The following C7 variants were observed in gnomAD, a reference collection of about 807,000 sequenced individuals.
The protein encoded by C7 is complement component C7.
A neutral mutation model predicts 104.8 loss-of-function variants in C7; 83 were observed. That is an observed-to-expected ratio of 0.79 (90% CI 0.66 to 0.95). The LOEUF (loss-of-function observed/expected upper bound fraction) is 0.95, where lower values mean the gene tolerates loss of function less well. Ranked by LOEUF, C7 falls within the 40% of genes least tolerant of loss-of-function variation. C7 has a pLI of 0.00. For synonymous variants in C7, 415 were observed against 360.6 expected (o/e 1.15, Z -1.71); for missense variants, 1,070 against 1,011.2 (o/e 1.06, Z -0.79).
intron 16 of C7, among the ~76,000 whole-genome samples, chr5:40,978,669 T>A (rs1321105584): frequency 6.6e-6 from 1 of 152,140 alleles, no homozygotes; most frequent in Non-Finnish European, 1.5e-5. Context: ...TAGAACTAAA[T>A]AAAGTGTGTG....
chr5:40,972,388 C>G lies in C7; in HGVS notation c.1883-15C>G, dbSNP rs573669907. ...AGAGCAACGACCCTTATATTTTGCT[C>G]TCTTTTATCTTTAGAAATTGCCTGT... On this transcript the variant is annotated splice_polypyrimidine_tract_variant and intron_variant, in intron 14 of 17. Coordinates refer to ENST00000313164, the MANE Select transcript of C7 (RefSeq NM_000587.4). The G allele has an allele frequency of 6.2e-6, 10 of 1,612,388 alleles. No homozygotes were observed. In the East Asian group the frequency reaches 6.7e-5, roughly 11 times the overall value.
rs372551834 is a variant in C7 at position 40,978,873 on chromosome 5, ATTTTTTTTTT to A, written c.2166-837_2166-828del. Among the ~76,000 whole-genome samples the A allele has an allele frequency of 1.1e-4, 9 of 80,092 alleles. No individual in the cohort carries two copies. In the South Asian group the frequency reaches 4.2e-3, roughly 38 times the overall value. The allele number at this position is 80,092 out of a possible 152,430, so 52.5% of individuals were successfully genotyped here. A position where few individuals can be genotyped will look rare whatever the true frequency, so the allele number is the denominator to read the frequency against. ...GAGGAAGGTAACACATTTTATGGAA[ATTTTTTTTTT>A]TTTTTTTTTTTTTTGGGACACAGTT... On this transcript the variant is annotated intron_variant, in intron 16 of 17. Transcript: ENST00000313164.
chr5:40,956,470 A>G (rs1011876706), intron 10 of C7, among the ~76,000 whole-genome samples: 2 of 152,164 alleles, frequency 1.3e-5, no homozygotes, highest in African/African-American at 4.8e-5. Flanking sequence ...GTATATTCCT[A>G]TGTGGCTTGT....
chr5:40,980,554 AT>A (rs1462370796), intron 17 of C7, among the ~76,000 whole-genome samples: 2 of 152,218 alleles, frequency 1.3e-5, no homozygotes, highest in East Asian at 3.8e-4. Context: ...ACTTACAGTG[AT>A]CTTGAACTCC....
intron 8 of C7, among the ~76,000 whole-genome samples, chr5:40,948,498 T>C (rs1740097755): frequency 6.6e-6 from 1 of 152,176 alleles, no homozygotes; most frequent in Admixed American, 6.6e-5. Flanking sequence ...TGGGTCTAAC[T>C]GGCCTCAAAG....
chr5:40,950,198 C>T (rs1393562823), intron 9 of C7, among the ~76,000 whole-genome samples, 184 bp downstream of exon 9: 1 of 151,894 alleles, frequency 6.6e-6, no homozygotes, highest in Non-Finnish European at 1.5e-5. Context: ...TCTTCTCCCT[C>T]CTCCCACTCT....
intron 13 of C7, among the ~76,000 whole-genome samples, chr5:40,963,306 G>A (rs1397055886): frequency 6.6e-6 from 1 of 152,188 alleles, no homozygotes; most frequent in Non-Finnish European, 1.5e-5. Flanking sequence ...CAGCCTAAGA[G>A]TCTATTTTGT....
At position 40,937,646 on chromosome 5, in the gene C7, G is replaced by T. The variant is rs932426998; in HGVS notation, c.523G>T (p.Asp175Tyr). The part of the protein sequence containing the change: ...CRKVFSGDGK[D>Y]FYRLSGNVLS... ...AAAGGTGTTTAGTGGGGATGGAAAA[G>T]ATTTCTACAGGCTGAGTGGAAATGT... Residue 175 changes from aspartate (D) to tyrosine (Y), a missense_variant, in exon 6 of 18, where the codon GAT (aspartate) becomes TAT (tyrosine). Transcript: ENST00000313164. 1.9e-6 allele frequency: 3 copies of T among 1,607,890 alleles called. No homozygotes were observed. The highest frequency in any genetic ancestry group is 3.4e-5 in the Admixed American group (2 of 59,056).
intron 3 of C7, among the ~76,000 whole-genome samples, chr5:40,933,999 G>A (rs1339996856): frequency 2.7e-5 from 4 of 146,076 alleles, no homozygotes; most frequent in Non-Finnish European, 6.0e-5. Context: ...GCAGTGGCAT[G>A]ATCTCAGCTC....
At chr5:40,962,219 A>T in intron 13 of C7, 47 bp downstream of exon 13, 1 of 1,121,512 alleles carries the variant, frequency 8.9e-7, no homozygotes, top group Non-Finnish European at 1.3e-6. Context: ...TCTAACTTCT[A>T]TCTCTCTGCT....
intron 13 of C7, among the ~76,000 whole-genome samples, chr5:40,964,173 G>T (rs1279944340): frequency 6.6e-6 from 1 of 151,358 alleles, no homozygotes; most frequent in Admixed American, 6.6e-5. Flanking sequence ...CTCCTGAGTA[G>T]CTGGGACTAC....
intron 1 of C7, among the ~76,000 whole-genome samples, chr5:40,926,280 G>T (rs949681256): frequency 2.0e-5 from 3 of 152,192 alleles, no homozygotes; most frequent in Admixed American, 6.5e-5. Context: ...TGCCACATAT[G>T]AGAAGCCCAC....
chr5:40,979,625 C>T (rs1579880883), intron 16 of C7, 100 bp from the exon 17 acceptor site: 2 of 775,254 alleles, frequency 2.6e-6, no homozygotes, highest in Non-Finnish European at 1.9e-6. Context: ...TGGGTGATAA[C>T]ATCTGGGGGC....
At chr5:40,941,562 G>T (rs1476491768) in intron 6 of C7, among the ~76,000 whole-genome samples, 2 of 152,178 alleles carry the variant, frequency 1.3e-5, no homozygotes, top group Non-Finnish European at 2.9e-5. Context: ...GAACAGTGGA[G>T]AATAGATTGG....
chr5:40,910,487 A>G (rs1739184267), intron 1 of C7, among the ~76,000 whole-genome samples: 1 of 152,204 alleles, frequency 6.6e-6, no homozygotes, highest in South Asian at 2.1e-4. Context: ...GAGGAGCAAG[A>G]TATGGATCTT....
intron 1 of C7, among the ~76,000 whole-genome samples, chr5:40,912,006 C>A (rs1046883858): frequency 1.3e-5 from 2 of 151,996 alleles, no homozygotes; most frequent in Non-Finnish European, 1.5e-5. Context: ...CCTTGGCCTC[C>A]CAAAGTGCTG....
intron 8 of C7, 50 bp downstream of exon 8, chr5:40,947,895 G>T (rs1171375396): frequency 3.2e-6 from 5 of 1,556,922 alleles, no homozygotes; most frequent in Non-Finnish European, 4.4e-6. Flanking sequence ...GGATTTTAAT[G>T]GGGAAATAAC....
chr5:40,913,743 G>A (rs1910015), intron 1 of C7, among the ~76,000 whole-genome samples: 1 of 151,986 alleles, frequency 6.6e-6, no homozygotes, highest in Non-Finnish European at 1.5e-5. Context: ...GCAGTGGCAT[G>A]ATCTCGGCTC....
intron 1 of C7, 119 bp from the exon 2 acceptor site, chr5:40,928,461 T>G: frequency 1.6e-6 from 1 of 617,792 alleles, no homozygotes; most frequent in Non-Finnish European, 2.8e-6. Flanking sequence ...TTTCACATTG[T>G]ATTGAGAAAT....
Sources: gnomAD v4.1 joint callset for allele counts (sites outside exome capture counted in the v4.1 genomes callset) on GRCh38, gnomAD v4.1.1 for gene constraint, MANE v1.5 for transcripts, NCBI Gene and HGNC (gene_info 2026-07-23, HGNC 2026-07-21) for gene names.